The following PKHD1 variants were observed in gnomAD, a reference collection of about 807,000 sequenced individuals.
PKHD1 encodes the protein fibrocystin.
A neutral mutation model predicts 412.0 loss-of-function variants in PKHD1; 291 were observed. That is an observed-to-expected ratio of 0.71 (90% CI 0.64 to 0.78). The LOEUF (loss-of-function observed/expected upper bound fraction) is 0.78. Among genes scored for constraint, PKHD1 ranks in the 30% least tolerant of loss-of-function variants. The pLI is 0.00. For missense variants in PKHD1, 4,825 were observed against 4,950.7 expected, an observed-to-expected ratio of 0.97 and a Z score of 0.76; for synonymous variants, 1,777 against 1,821.5, an observed-to-expected ratio of 0.98 and a Z score of 0.62.
intron 36 of PKHD1, among the ~76,000 whole-genome samples, chr6:51,955,360 C>T (rs911235686): frequency 6.6e-6 from 1 of 152,014 alleles, no homozygotes; most frequent in Non-Finnish European, 1.5e-5. Context: ...AGTTGGGAGT[C>T]AGTACATATA....
chr6:51,914,449 A>T (rs1433132181), intron 37 of PKHD1, among the ~76,000 whole-genome samples: 1 of 152,128 alleles, frequency 6.6e-6, no homozygotes, highest in Non-Finnish European at 1.5e-5. Flanking sequence ...TGTTGGCCTC[A>T]TATTTCTAGC....
intron 47 of PKHD1, 63 bp from the exon 48 acceptor site, chr6:51,868,172 A>T (rs948021094): frequency 7.5e-7 from 1 of 1,336,812 alleles, no homozygotes; most frequent in African/African-American, 1.4e-5. Context: ...AATTCACTGG[A>T]GTGATGGTCT....
chr6:52,008,686 T>C lies in PKHD1; in HGVS notation c.5751+1623A>G, dbSNP rs55719993. On this transcript the variant is annotated intron_variant, in intron 35 of 66. Coordinates refer to ENST00000371117, the MANE Select transcript of PKHD1 (RefSeq NM_138694.4). ...CTAGCACTGCCAATAATGGCTAACA[T>C]TGGACATTTACCATGTGTGAGATGC... Among the ~76,000 whole-genome samples the C allele has an allele frequency of 8.0e-3, 1,223 of 152,152 alleles. 8 individuals are homozygous for C. Among genetic ancestry groups the C allele is most frequent in the Non-Finnish European group, 0.014 (923 of 67,984 alleles).
intron 60 of PKHD1, among the ~76,000 whole-genome samples, chr6:51,698,235 T>A (rs1198152645): frequency 2.0e-5 from 3 of 152,226 alleles, no homozygotes; most frequent in Non-Finnish European, 4.4e-5. Context: ...ATAATTGTAT[T>A]CCCATTCGTA....
chr6:51,683,467 A>G (rs1182718873), intron 60 of PKHD1, among the ~76,000 whole-genome samples: 1 of 152,102 alleles, frequency 6.6e-6, no homozygotes, highest in Non-Finnish European at 1.5e-5. Flanking sequence ...AACACAATAT[A>G]TAGGCTCAGG....
intron 35 of PKHD1, chr6:51,975,963 T>TAAAAAAAAAAAAAAAAAA (rs66774242): frequency 1.0e-4 from 7 of 69,766 alleles, no homozygotes; most frequent in Non-Finnish European, 1.9e-4. Context: ...TTTCTCTAAT[T>TAAAAAAAAAAAAAAAAAA]AAAAAAAAAA....
intron 37 of PKHD1, among the ~76,000 whole-genome samples, chr6:51,917,932 A>G (rs910347760): frequency 2.0e-5 from 3 of 152,200 alleles, no homozygotes; most frequent in Non-Finnish European, 4.4e-5. Context: ...CATAGTACAC[A>G]TATCAAACTA....
intron 49 of PKHD1, among the ~76,000 whole-genome samples, chr6:51,848,312 C>G (rs895205518): frequency 5.9e-5 from 9 of 152,288 alleles, no homozygotes; most frequent in Middle Eastern, 3.4e-3. Flanking sequence ...AGAGACAAGG[C>G]CAGGTCTAGA....
intron 60 of PKHD1, among the ~76,000 whole-genome samples, chr6:51,674,251 T>C (rs1775480691): frequency 6.6e-6 from 1 of 152,154 alleles, no homozygotes; most frequent in Non-Finnish European, 1.5e-5. Flanking sequence ...TTAGGAGAGC[T>C]GTAGGTACAG....
intron 60 of PKHD1, among the ~76,000 whole-genome samples, chr6:51,712,763 T>G (rs184929997): frequency 2.3e-4 from 35 of 152,346 alleles, no homozygotes; most frequent in Admixed American, 4.6e-4. Flanking sequence ...TTCACATCTC[T>G]GAAATTCAAC....
chr6:51,643,185 T>C (rs1243383917), intron 63 of PKHD1, among the ~76,000 whole-genome samples: 2 of 152,176 alleles, frequency 1.3e-5, no homozygotes, highest in Non-Finnish European at 2.9e-5. Context: ...ATGAACAGAA[T>C]GACAGCATCA....
At chr6:52,082,609 T>C in intron 3 of PKHD1, 67 bp from the exon 4 acceptor site, 2 of 1,510,536 alleles carry the variant, frequency 1.3e-6, no homozygotes, top group East Asian at 4.5e-5. Flanking sequence ...TGTGAAACTG[T>C]GCTAAGATCC....
chr6:51,806,311 T>A (rs547686369), intron 52 of PKHD1, among the ~76,000 whole-genome samples: 3 of 152,126 alleles, frequency 2.0e-5, no homozygotes, highest in East Asian at 3.9e-4. Flanking sequence ...AAAACACATA[T>A]CTGAGTAACA....
At chr6:51,791,481 C>G (rs1236677102) in intron 52 of PKHD1, 108 bp from the exon 53 acceptor site, 4 of 973,168 alleles carry the variant, frequency 4.1e-6, no homozygotes, top group Non-Finnish European at 6.5e-6. Flanking sequence ...TTATCTAAAC[C>G]AGGACAGGTA....
At chr6:51,756,964 C>T (rs999454269) in intron 55 of PKHD1, among the ~76,000 whole-genome samples, 1 of 152,120 alleles carries the variant, frequency 6.6e-6, no homozygotes, top group African/African-American at 2.4e-5. Flanking sequence ...TCATAAGGAG[C>T]ATGCAACCTA....
At chr6:52,063,436 G>A (rs1364300069) in intron 13 of PKHD1, among the ~76,000 whole-genome samples, 2 of 152,138 alleles carry the variant, frequency 1.3e-5, no homozygotes, top group Admixed American at 6.5e-5. Flanking sequence ...TATACTCAAA[G>A]AGCCTGGAAT....
At chr6:51,665,529 C>G (rs1581930219) in intron 60 of PKHD1, among the ~76,000 whole-genome samples, 1 of 152,054 alleles carries the variant, frequency 6.6e-6, no homozygotes, top group African/African-American at 2.4e-5. Flanking sequence ...AGAATTTTTA[C>G]CTTAGAGTTT....
At chr6:51,859,399 G>T (rs1002970807) in intron 48 of PKHD1, among the ~76,000 whole-genome samples, 4 of 151,768 alleles carry the variant, frequency 2.6e-5, no homozygotes, top group Non-Finnish European at 5.9e-5. Context: ...GGCAGCATGC[G>T]CCTGTAGTCC....
At chr6:51,919,567 C>T (rs900407920) in intron 37 of PKHD1, among the ~76,000 whole-genome samples, 2 of 152,174 alleles carry the variant, frequency 1.3e-5, no homozygotes, top group African/African-American at 2.4e-5. Context: ...TAGCATGATG[C>T]CTCCAGCTTT....
Sources: allele counts gnomAD v4.1 joint callset (sites outside exome capture counted in the v4.1 genomes callset), GRCh38; gene constraint gnomAD v4.1.1; transcripts MANE v1.5; gene names NCBI Gene and HGNC (gene_info 2026-07-23, HGNC 2026-07-21).